Variants in C3orf52 observed in about 807,000 individuals in gnomAD.
C3orf52 encodes chromosome 3 open reading frame 52.
In C3orf52, 22 loss-of-function variants were observed where a neutral mutation model predicts 24.8. The ratio of observed to expected loss-of-function variants is 0.89; its 90% CI spans 0.63 to 1.27. The LOEUF (loss-of-function observed/expected upper bound fraction) is 1.27. Among genes scored for constraint, C3orf52 ranks in the 50% most tolerant of loss-of-function variants. The probability of loss-of-function intolerance (pLI) is 0.00; values close to 1 mark genes in which losing one functional copy is unlikely to be tolerated. For missense variants in C3orf52, 265 were observed against 260.7 expected, an observed-to-expected ratio of 1.02 and a Z score of -0.11; for synonymous variants, 93 against 100.2, an observed-to-expected ratio of 0.93 and a Z score of 0.43.
At position 112,117,163 on chromosome 3, in the gene C3orf52, A is replaced by ATGATAC; in HGVS notation, c.*517_*518insTGATAC. 1 of 563,188 alleles carries ATGATAC rather than the reference A, an allele frequency of 1.8e-6. No individual in the cohort carries two copies. Among genetic ancestry groups the ATGATAC allele is most frequent in the Non-Finnish European group, 3.1e-6 (1 of 318,000 alleles). The allele number at this position is 563,188 out of a possible 1,614,324, so 34.9% of individuals were successfully genotyped here. A position where few individuals can be genotyped will look rare whatever the true frequency, so the allele number is the denominator to read the frequency against. ...GCAGGCAGCCAGGTTACGAAGACTA[A>ATGATAC]GCCAATTATTCACTGAAGTCATCCT... is the stretch of plus-strand genomic sequence containing the variant. On this transcript the variant is annotated 3_prime_UTR_variant, in exon 6 of 6. Coordinates refer to ENST00000264848, the MANE Select transcript of C3orf52 (RefSeq NM_024616.3).
At chr3:112,095,404 A>G (rs2073915965) in intron 2 of C3orf52, among the ~76,000 whole-genome samples, 1 of 152,210 alleles carries the variant, frequency 6.6e-6, no homozygotes, top group Admixed American at 6.5e-5. Flanking sequence ...GGGGCCTATC[A>G]TAAAGGATGA....
downstream of C3orf52, among the ~76,000 whole-genome samples, chr3:112,131,737 G>A (rs2074457069): frequency 6.6e-6 from 1 of 152,176 alleles, no homozygotes; most frequent in African/African-American, 2.4e-5. Context: ...GTTGCCAAAT[G>A]TAAAATAACA....
intron 2 of C3orf52, 64 bp from the exon 3 acceptor site, chr3:112,102,772 TAA>T: frequency 7.2e-7 from 1 of 1,388,838 alleles, no homozygotes; most frequent in Non-Finnish European, 9.7e-7. Flanking sequence ...ATGGAATAAA[TAA>T]GTTTATTATT....
At chr3:112,091,617 A>G (rs2073877611) in intron 1 of C3orf52, among the ~76,000 whole-genome samples, 1 of 152,204 alleles carries the variant, frequency 6.6e-6, no homozygotes, top group Admixed American at 6.5e-5. Context: ...TCTGATGTGC[A>G]GCCAGGCTTG....
chr3:112,107,510 G>A (rs1021364821), intron 3 of C3orf52, among the ~76,000 whole-genome samples: 1 of 152,194 alleles, frequency 6.6e-6, no homozygotes, highest in Non-Finnish European at 1.5e-5. Context: ...GTCACTTTAA[G>A]CTTCTTTCCT....
chr3:112,133,208 A>AAAGGGCTGT (rs1374221251), downstream of C3orf52: 5 of 1,461,536 alleles, frequency 3.4e-6, no homozygotes, highest in Non-Finnish European at 4.8e-6. Context: ...TGACTTAAAG[A>AAAGGGCTGT]AAGGGCTGTG....
chr3:112,095,449 C>G (rs10511305), intron 2 of C3orf52, among the ~76,000 whole-genome samples: 12,053 of 152,158 alleles, frequency 0.079, 712 homozygotes, highest in African/African-American at 0.16. Context: ...ATTCAGGATT[C>G]TAAAGCGCAA....
chr3:112,096,607 A>G (rs960617185), intron 2 of C3orf52, among the ~76,000 whole-genome samples: 2 of 152,212 alleles, frequency 1.3e-5, no homozygotes, highest in African/African-American at 4.8e-5. Flanking sequence ...GAATTTCTTT[A>G]GCCTTCAAAA....
chr3:112,134,328 T>C (rs985031545), downstream of C3orf52: 1 of 152,202 alleles, frequency 6.6e-6, no homozygotes, highest in African/African-American at 2.4e-5. Flanking sequence ...TGACTCTCCA[T>C]TGAGTGGGTT....
chr3:112,128,187 A>G, intron 4 of C3orf52: 1 of 787,264 alleles, frequency 1.3e-6, no homozygotes. Flanking sequence ...TTCATTCTAG[A>G]TAACTTGGAC....
At chr3:112,123,431 A>G in intron 4 of C3orf52, 1 of 1,606,344 alleles carries the variant, frequency 6.2e-7, no homozygotes, top group South Asian at 1.1e-5. Context: ...TTGGTGCTAA[A>G]CAAATGCTAG....
chr3:112,128,125 C>A, intron 4 of C3orf52: 1 of 1,473,880 alleles, frequency 6.8e-7, no homozygotes, highest in Non-Finnish European at 9.5e-7. Flanking sequence ...TAAGGTGACT[C>A]CTTTCCTTTT....
intron 1 of C3orf52, among the ~76,000 whole-genome samples, chr3:112,086,876 GT>G (rs1456572621): frequency 3.3e-5 from 5 of 152,178 alleles, no homozygotes; most frequent in Admixed American, 6.5e-5. Flanking sequence ...TTTTAATTCA[GT>G]TTTTCTTTTT....
intron 5 of C3orf52, 47 bp downstream of exon 5, chr3:112,113,192 G>A (rs1222392730): frequency 6.7e-7 from 1 of 1,484,494 alleles, no homozygotes. Context: ...ATAAACAGGT[G>A]AACCAGATTG....
chr3:112,114,081 A>G (rs2074111612), intron 5 of C3orf52, among the ~76,000 whole-genome samples: 2 of 152,238 alleles, frequency 1.3e-5, no homozygotes, highest in Non-Finnish European at 2.9e-5. Flanking sequence ...GGTTGGCAGC[A>G]GGTGCATTAA....
At chr3:112,119,720 A>T (rs1164678715), downstream of C3orf52, among the ~76,000 whole-genome samples, 1 of 152,216 alleles carries the variant, frequency 6.6e-6, no homozygotes, top group Non-Finnish European at 1.5e-5. Context: ...AAGTTAATTT[A>T]CACTGCATTG....
chr3:112,091,730 C>T (rs1181014914), intron 1 of C3orf52, among the ~76,000 whole-genome samples: 2 of 152,308 alleles, frequency 1.3e-5, no homozygotes, highest in African/African-American at 2.4e-5. Context: ...GAAGGCCAGT[C>T]GCGGTGGCTC....
At chr3:112,120,282 C>A (rs2074175205), downstream of C3orf52, among the ~76,000 whole-genome samples, 1 of 152,116 alleles carries the variant, frequency 6.6e-6, no homozygotes, top group Non-Finnish European at 1.5e-5. Flanking sequence ...TTCCCTGGAG[C>A]CCTTGTGGAA....
At chr3:112,113,371 G>A (rs532294584) in intron 5 of C3orf52, among the ~76,000 whole-genome samples, 3 of 152,258 alleles carry the variant, frequency 2.0e-5, no homozygotes, top group East Asian at 3.9e-4. Context: ...GTGTAGTTGG[G>A]GAGCAATTAT....
Sources: allele counts gnomAD v4.1 joint callset (sites outside exome capture counted in the v4.1 genomes callset), GRCh38; gene constraint gnomAD v4.1.1; transcripts MANE v1.5; gene names NCBI Gene and HGNC (gene_info 2026-07-23, HGNC 2026-07-21).